The following CACHD1 variants were observed in gnomAD, a reference collection of about 807,000 sequenced individuals.
CACHD1 encodes cache domain containing 1, also known as VWFA and cache domain-containing protein 1.
CACHD1 carries 71 observed loss-of-function variants against 138.7 expected under a neutral mutation model. That is an observed-to-expected ratio of 0.51 (90% CI 0.42 to 0.62). The LOEUF (loss-of-function observed/expected upper bound fraction) is 0.62. Among genes scored for constraint, CACHD1 ranks in the 20% least tolerant of loss-of-function variants. CACHD1 has a pLI of 0.00. For missense variants in CACHD1, 1,389 were observed against 1,625.3 expected, an observed-to-expected ratio of 0.85 and a Z score of 2.50; for synonymous variants, 578 against 591.5, an observed-to-expected ratio of 0.98 and a Z score of 0.33.
chr1:64,531,976 T>C (rs1646590900), intron 1 of CACHD1, among the ~76,000 whole-genome samples: 1 of 152,228 alleles, frequency 6.6e-6, no homozygotes, highest in African/African-American at 2.4e-5. Context: ...AGTCCCTGTG[T>C]TCTAGAAACT....
chr1:64,595,450 G>A (rs1410791915), intron 3 of CACHD1, among the ~76,000 whole-genome samples: 1 of 152,142 alleles, frequency 6.6e-6, no homozygotes, highest in African/African-American at 2.4e-5. Flanking sequence ...ACTGTAAAGT[G>A]TGTCAAGTCC....
intron 1 of CACHD1, among the ~76,000 whole-genome samples, chr1:64,510,317 A>G (rs927546359): frequency 6.6e-6 from 1 of 152,152 alleles, no homozygotes; most frequent in Non-Finnish European, 1.5e-5. Context: ...CTAGGAGCCA[A>G]TGGGAGCTAC....
At chr1:64,594,387 A>G (rs1647133343) in intron 3 of CACHD1, among the ~76,000 whole-genome samples, 1 of 152,186 alleles carries the variant, frequency 6.6e-6, no homozygotes, top group Non-Finnish European at 1.5e-5. Context: ...AGAATGGCTC[A>G]TCTGCCAAGT....
chr1:64,635,068 A>G (rs893079), intron 7 of CACHD1, among the ~76,000 whole-genome samples: 148,002 of 149,374 alleles, frequency 0.99, 73,341 homozygotes, highest in East Asian at 1. Context: ...CTAATTATAG[A>G]GTGTTAACTG....
intron 26 of CACHD1, among the ~76,000 whole-genome samples, chr1:64,686,442 T>A (rs1311350173): frequency 6.6e-6 from 1 of 152,226 alleles, no homozygotes; most frequent in Non-Finnish European, 1.5e-5. Context: ...AATTGTTGTA[T>A]CTTAAGAAAA....
chr1:64,641,715 G>A (rs1205198246), intron 7 of CACHD1, 105 bp from the exon 8 acceptor site: 3 of 792,114 alleles, frequency 3.8e-6, no homozygotes, highest in Non-Finnish European at 5.9e-6. Context: ...CCGTGGGCTA[G>A]GCAAGTCCTC....
intron 2 of CACHD1, among the ~76,000 whole-genome samples, chr1:64,553,178 C>T (rs559771075): frequency 6.6e-6 from 1 of 152,294 alleles, no homozygotes; most frequent in East Asian, 1.9e-4. Context: ...ATTACAACAA[C>T]ATAACAATAA....
intron 13 of CACHD1, among the ~76,000 whole-genome samples, chr1:64,660,806 A>C (rs1172445584): frequency 6.6e-6 from 1 of 152,214 alleles, no homozygotes; most frequent in African/African-American, 2.4e-5. Context: ...CTGGGATTAC[A>C]GGCGCCACTG....
At chr1:64,623,251 A>C (rs1647979390) in intron 4 of CACHD1, among the ~76,000 whole-genome samples, 1 of 152,070 alleles carries the variant, frequency 6.6e-6, no homozygotes, top group African/African-American at 2.4e-5. Context: ...CTAATAAAAA[A>C]ATGAGCTGGG....
At chr1:64,617,141 A>AAAAC (rs146139209) in intron 4 of CACHD1, among the ~76,000 whole-genome samples, 28 of 122,476 alleles carry the variant, frequency 2.3e-4, no homozygotes, top group Middle Eastern at 4.2e-3. Flanking sequence ...TTTGTGAAAA[A>AAAAC]AAAACAAAAC....
chr1:64,516,727 A>C lies in CACHD1; in HGVS notation c.199-33867A>C, dbSNP rs145501409. Among the ~76,000 whole-genome samples, 194 of 152,268 alleles carry C rather than the reference A, an allele frequency of 1.3e-3. 2 individuals are homozygous for C. The highest frequency in any genetic ancestry group is 4.2e-3 in the African/African-American group (175 of 41,550). ...TCTGAACCCAGGTTTTTATCTTCTT[A>C]TTATTGTTCTTTCTACTATACCATA... On this transcript the variant is annotated intron_variant, in intron 1 of 26. Coordinates refer to ENST00000651257, the MANE Select transcript of CACHD1 (RefSeq NM_020925.4).
At chr1:64,522,237 C>T (rs1043265116) in intron 1 of CACHD1, among the ~76,000 whole-genome samples, 13 of 152,116 alleles carry the variant, frequency 8.5e-5, no homozygotes, top group Non-Finnish European at 2.9e-5. Context: ...GTTTTGGCAC[C>T]CTTCAAGACC....
chr1:64,677,090 G>T, intron 22 of CACHD1, 79 bp downstream of exon 22: 2 of 1,178,288 alleles, frequency 1.7e-6, no homozygotes, highest in South Asian at 1.4e-5. Context: ...AAAAAGGTAT[G>T]TCAGTTTTTC....
intron 1 of CACHD1, among the ~76,000 whole-genome samples, chr1:64,529,220 T>G (rs1646563339): frequency 6.6e-6 from 1 of 152,222 alleles, no homozygotes; most frequent in Admixed American, 6.5e-5. Flanking sequence ...ATGGGATAAC[T>G]TTCAGTAACT....
At chr1:64,571,583 C>T (rs1400117233) in intron 2 of CACHD1, among the ~76,000 whole-genome samples, 2 of 152,140 alleles carry the variant, frequency 1.3e-5, no homozygotes, top group African/African-American at 2.4e-5. Context: ...TAAGGAAGTG[C>T]TTAGTGGTAA....
At chr1:64,603,077 G>GA (rs1384711976) in intron 4 of CACHD1, among the ~76,000 whole-genome samples, 165 bp downstream of exon 4, 4 of 129,122 alleles carry the variant, frequency 3.1e-5, no homozygotes, top group African/African-American at 8.6e-5. Flanking sequence ...GGGAGAGGAA[G>GA]AAGAAAAAAT....
intron 8 of CACHD1, among the ~76,000 whole-genome samples, chr1:64,645,459 C>A (rs995373946): frequency 1.3e-5 from 2 of 151,910 alleles, no homozygotes; most frequent in Non-Finnish European, 2.9e-5. Flanking sequence ...AATATATACA[C>A]CTGCTATGTA....
intron 2 of CACHD1, among the ~76,000 whole-genome samples, chr1:64,572,347 G>T (rs889456752): frequency 7.2e-5 from 11 of 152,142 alleles, no homozygotes; most frequent in Admixed American, 6.5e-4. Flanking sequence ...TCTCGGGTCA[G>T]GGGCTCCTGT....
chr1:64,576,786 T>G (rs1307357339), intron 2 of CACHD1, among the ~76,000 whole-genome samples: 1 of 152,224 alleles, frequency 6.6e-6, no homozygotes, highest in Non-Finnish European at 1.5e-5. Context: ...AGCACTCTGT[T>G]CTCTTGCCAG....
Sources: allele counts gnomAD v4.1 joint callset (sites outside exome capture counted in the v4.1 genomes callset), GRCh38; gene constraint gnomAD v4.1.1; transcripts MANE v1.5; gene names NCBI Gene and HGNC (gene_info 2026-07-23, HGNC 2026-07-21).